SPAG9: variants seen among roughly 807,000 people sequenced by gnomAD.
SPAG9 encodes C-Jun-amino-terminal kinase-interacting protein 4.
Under a neutral mutation model 166.5 loss-of-function variants are expected in SPAG9, and 35 were observed. That is an observed-to-expected ratio of 0.21 (90% confidence interval 0.16 to 0.28). The LOEUF (loss-of-function observed/expected upper bound fraction) is 0.28, where lower values mean the gene tolerates loss of function less well. Among genes scored for constraint, SPAG9 ranks in the 10% least tolerant of loss-of-function variants. The probability of loss-of-function intolerance (pLI) is 1.00; values close to 1 mark genes in which losing one functional copy is unlikely to be tolerated. For missense variants in SPAG9, 1,235 were observed against 1,603.3 expected, an observed-to-expected ratio of 0.77 and a Z score of 3.92; for synonymous variants, 534 against 565.5, an observed-to-expected ratio of 0.94 and a Z score of 0.79.
intron 15 of SPAG9, 99 bp from the exon 16 acceptor site, chr17:50,996,793 A>C: frequency 8.8e-7 from 1 of 1,142,258 alleles, no homozygotes; most frequent in Non-Finnish European, 1.3e-6. Context: ...AAAAACAACA[A>C]AAATTTACAT....
Position 50,984,942 on chromosome 17 carries a change from T to C in SPAG9, c.3069A>G (p.Ala1023=). ...ACTCACCCACTCCTCTGTGAAAGAT[T>C]GCAAGGGTGCCGTCAGCCAGGGCTA... ...VLVALADGTL[A]IFHRGVDGQW... is the part of the protein sequence containing the mutation. Residue 1023 remains alanine (A), a synonymous_variant, in exon 24 of 30, where the codon GCA becomes GCG. Transcript: ENST00000262013. 1.9e-6 allele frequency: 3 copies of C among 1,614,154 alleles called. No homozygotes were observed. The highest frequency in any genetic ancestry group is 1.7e-6 in the Non-Finnish European group (2 of 1,179,970).
intron 2 of SPAG9, among the ~76,000 whole-genome samples, chr17:51,075,510 A>T (rs2047945283): frequency 6.6e-6 from 1 of 152,190 alleles, no homozygotes; most frequent in African/African-American, 2.4e-5. Context: ...ATGTTAGACA[A>T]GGAATTCTTT....
At chr17:50,985,809 A>C in intron 22 of SPAG9, 31 bp from the exon 23 acceptor site, 1 of 1,274,160 alleles carries the variant, frequency 7.8e-7, no homozygotes, top group Non-Finnish European at 1.1e-6. Flanking sequence ...CTGGTAAGGC[A>C]TAGAGAACAT....
chr17:51,120,843 C>T lies in SPAG9; in HGVS notation c.-187G>A. ...GGGAGGGGTGGCGTAGGCGCTCTCA[C>T]CCCAACCGCCGCTGCACCAACTGCC... is the stretch of plus-strand genomic sequence containing the variant. On this transcript the variant is annotated 5_prime_UTR_variant, in exon 1 of 30. In the 5' UTR this introduces an upstream ATG that the reference lacks. Transcript: ENST00000262013. The surrounding 1 kb of genome is among the most constrained non-coding windows in gnomAD (Gnocchi z 4.7). The T allele has an allele frequency of 2.6e-6, 1 of 381,438 alleles. No individual in the cohort carries two copies. The highest frequency in any genetic ancestry group is 4.6e-6 in the Non-Finnish European group (1 of 218,418). The allele number at this position is 381,438 out of a possible 1,614,324, so 23.6% of individuals were successfully genotyped here. A position where few individuals can be genotyped will look rare whatever the true frequency, so the allele number is the denominator to read the frequency against.
Position 51,046,489 on chromosome 17 carries a change from G to A in SPAG9, c.590+886C>T, listed in dbSNP as rs1392441136. On this transcript the variant is annotated intron_variant, in intron 4 of 29. Transcript: ENST00000262013. Reference sequence around the variant, plus strand: ...CAGCTAAGCAGGGGCTTCTAAGAGAGATGGGAGTACCTGAGTATCCTTGGT... The same window carrying A: ...CAGCTAAGCAGGGGCTTCTAAGAGAAATGGGAGTACCTGAGTATCCTTGGT... 4 of 1,528,516 alleles carry A rather than the reference G, an allele frequency of 2.6e-6. No individual in the cohort carries two copies. The Admixed American group carries it at 7.8e-5, about 30-fold the overall frequency. The allele number at this position is 1,528,516 out of a possible 1,614,324, so 94.7% of individuals were successfully genotyped here. A position where few individuals can be genotyped will look rare whatever the true frequency, so the allele number is the denominator to read the frequency against.
chr17:51,053,855 G>GTATATATATATATATA (rs1161592026), intron 3 of SPAG9, among the ~76,000 whole-genome samples: 14 of 37,736 alleles, frequency 3.7e-4, no homozygotes, highest in Admixed American at 1.0e-3. Flanking sequence ...AAAAAAAAAA[G>GTATATATATATATATA]TATATATATA....
chr17:50,975,117 T>G, intron 27 of SPAG9, 170 bp from the exon 28 acceptor site: 1 of 577,090 alleles, frequency 1.7e-6, no homozygotes, highest in Non-Finnish European at 2.9e-6. Flanking sequence ...AGATACAGCA[T>G]GCTAGTTATT....
chr17:50,974,075 A>G (rs533258321), intron 28 of SPAG9, among the ~76,000 whole-genome samples: 1 of 151,928 alleles, frequency 6.6e-6, no homozygotes, highest in South Asian at 2.1e-4. Flanking sequence ...CTCTTATGGG[A>G]AAAAAAAATT....
chr17:51,035,410 A>T (rs978752376), intron 5 of SPAG9, among the ~76,000 whole-genome samples: 3 of 152,216 alleles, frequency 2.0e-5, no homozygotes, highest in Non-Finnish European at 2.9e-5. Context: ...AAAACTGCGA[A>T]CTTTAACTTT....
At chr17:51,003,984 TTC>T (rs1318337837) in intron 12 of SPAG9, among the ~76,000 whole-genome samples, 1 of 152,206 alleles carries the variant, frequency 6.6e-6, no homozygotes, top group African/African-American at 2.4e-5. Flanking sequence ...TGACTATTCA[TTC>T]AATGGGATAT....
chr17:51,080,794 T>C (rs559138927), intron 1 of SPAG9, among the ~76,000 whole-genome samples: 236 of 147,276 alleles, frequency 1.6e-3, no homozygotes, highest in African/African-American at 5.8e-3. Context: ...GGAAGGAGAG[T>C]TGCTTGAACC....
intron 2 of SPAG9, among the ~76,000 whole-genome samples, chr17:51,070,930 G>C (rs1425743375): frequency 2.0e-5 from 3 of 151,726 alleles, no homozygotes; most frequent in Non-Finnish European, 4.4e-5. Flanking sequence ...TAATAATGAA[G>C]ATTATACAAC....
intron 1 of SPAG9, among the ~76,000 whole-genome samples, chr17:51,086,148 T>A: frequency 6.6e-6 from 1 of 151,644 alleles, no homozygotes; most frequent in East Asian, 1.9e-4. Context: ...CTCAGCTAAT[T>A]TTTGTATTTT....
At position 51,108,169 on chromosome 17, in the gene SPAG9, C is replaced by G. The variant is rs1165532520; in HGVS notation, c.303+12185G>C. Reference sequence around the variant, plus strand: ...TGGGAGGCTGAGGCAGGCAGGTCACCTGAGGTTGCAAGTTCAAGACCAGCA... The same window carrying G: ...TGGGAGGCTGAGGCAGGCAGGTCACGTGAGGTTGCAAGTTCAAGACCAGCA... On this transcript the variant is annotated intron_variant, in intron 1 of 29. Coordinates refer to ENST00000262013, the MANE Select transcript of SPAG9 (RefSeq NM_001130528.3). 6.6e-5 allele frequency among the ~76,000 whole-genome samples: 10 copies of G among 151,576 alleles called. No individual in the cohort carries two copies. In the East Asian group the frequency reaches 1.7e-3, roughly 26 times the overall value.
At chr17:50,990,088 C>T (rs1025455040) in intron 20 of SPAG9, 6 of 574,358 alleles carry the variant, frequency 1.0e-5, no homozygotes, top group Non-Finnish European at 1.8e-5. Flanking sequence ...AGTGCGGCGG[C>T]GTGATCTTGG....
intron 2 of SPAG9, among the ~76,000 whole-genome samples, chr17:51,062,538 T>C (rs1048305317): frequency 6.6e-6 from 1 of 152,218 alleles, no homozygotes; most frequent in African/African-American, 2.4e-5. Context: ...TACCTAGCCT[T>C]TTCAGATTGG....
rs183852083 is a variant in SPAG9 at position 50,991,064 on chromosome 17, G to A, written c.2399-396C>T. Among the ~76,000 whole-genome samples the A allele has an allele frequency of 2.9e-3, 444 of 151,908 alleles. 16 individuals are homozygous for A. The highest frequency in any genetic ancestry group is 0.028 in the Admixed American group (429 of 15,262). On this transcript the variant is annotated intron_variant, in intron 19 of 29. Coordinates refer to ENST00000262013, the MANE Select transcript of SPAG9 (RefSeq NM_001130528.3). ...TGGGACTACCGGTGTGAGCCACCAC[G>A]CCTGGCTAATTTTTGTATTTTTGGT...
At chr17:51,005,451 T>C (rs555875328) in intron 11 of SPAG9, among the ~76,000 whole-genome samples, 188 bp from the exon 12 acceptor site, 38 of 152,302 alleles carry the variant, frequency 2.5e-4, no homozygotes, top group African/African-American at 8.9e-4. Context: ...TAAACAGGTA[T>C]TAAAGAAAGT....
chr17:50,994,956 T>C, intron 18 of SPAG9, 101 bp downstream of exon 18: 1 of 786,476 alleles, frequency 1.3e-6, no homozygotes. Flanking sequence ...AGCCAGGGCA[T>C]AGTAATCCCA....
Sources: allele counts gnomAD v4.1 joint callset (sites outside exome capture counted in the v4.1 genomes callset), GRCh38; gene constraint gnomAD v4.1.1; non-coding constraint Gnocchi (gnomAD v3.1); transcripts MANE v1.5; gene names NCBI Gene and HGNC (gene_info 2026-07-23, HGNC 2026-07-21).